The following NUP85 variants were observed in gnomAD, a reference collection of about 807,000 sequenced individuals.
NUP85 encodes the protein nuclear pore complex protein Nup85.
Under a neutral mutation model 92.8 loss-of-function variants are expected in NUP85, and 23 were observed. That is an observed-to-expected ratio of 0.25 (90% CI 0.18 to 0.35). The LOEUF is 0.35. Among genes scored for constraint, NUP85 ranks in the 10% least tolerant of loss-of-function variants. The probability of loss-of-function intolerance (pLI) is 1.00; values close to 1 mark genes in which losing one functional copy is unlikely to be tolerated. For missense variants in NUP85, 759 were observed against 822.8 expected, an observed-to-expected ratio of 0.92 and a Z score of 0.95; for synonymous variants, 314 against 306.9, an observed-to-expected ratio of 1.02 and a Z score of -0.24.
intron 1 of NUP85, among the ~76,000 whole-genome samples, chr17:75,206,720 C>T (rs1020517070): frequency 3.3e-5 from 5 of 152,046 alleles, no homozygotes; most frequent in Non-Finnish European, 7.4e-5. Context: ...ATTTTTTAGA[C>T]GGAGTCTCGC....
At chr17:75,223,411 G>A (rs2075655060) in intron 7 of NUP85, among the ~76,000 whole-genome samples, 1 of 152,054 alleles carries the variant, frequency 6.6e-6, no homozygotes, top group African/African-American at 2.4e-5. Context: ...TTTTTGAGAT[G>A]GAGTCTCACT....
At chr17:75,232,052 G>T in intron 14 of NUP85, 73 bp downstream of exon 14, 1 of 1,511,576 alleles carries the variant, frequency 6.6e-7, no homozygotes, top group Non-Finnish European at 9.0e-7. Flanking sequence ...CACACTTTAT[G>T]CCTACCCCAG....
Position 75,205,683 on chromosome 17 carries a change from C to T in NUP85, c.-79C>T. The stretch of plus-strand genomic sequence containing the variant: ...GAGACGCCCAGGCGGAGTCTTGTCT[C>T]GCAGCCAGCTCTGAGCGGGAGGCCT... On this transcript the variant is annotated 5_prime_UTR_variant, in exon 1 of 19. Transcript: ENST00000245544. The T allele has an allele frequency of 1.3e-6, 2 of 1,570,976 alleles. No homozygotes were observed. The highest frequency in any genetic ancestry group is 1.1e-5 in the South Asian group (1 of 90,112).
At chr17:75,220,977 G>A (rs2075582155) in intron 7 of NUP85, among the ~76,000 whole-genome samples, 2 of 150,352 alleles carry the variant, frequency 1.3e-5, no homozygotes, top group South Asian at 4.2e-4. Flanking sequence ...CGCCTCCCGG[G>A]TTCATGCCAT....
At chr17:75,219,572 TC>T (rs2075537782) in intron 7 of NUP85, among the ~76,000 whole-genome samples, 1 of 152,172 alleles carries the variant, frequency 6.6e-6, no homozygotes, top group Non-Finnish European at 1.5e-5. Context: ...CCATTCCTGG[TC>T]ATTCACTGAG....
intron 7 of NUP85, among the ~76,000 whole-genome samples, chr17:75,224,471 C>T (rs2075702391): frequency 6.6e-6 from 1 of 152,124 alleles, no homozygotes; most frequent in Admixed American, 6.6e-5. Context: ...CAACAGCACA[C>T]ACCATGATGG....
Position 75,215,801 on chromosome 17 carries a change from T to C in NUP85, c.453T>C (p.Ile151=). 1.2e-6 allele frequency: 2 copies of C among 1,614,072 alleles called. No homozygotes were observed. Among genetic ancestry groups the C allele is most frequent in the Non-Finnish European group, 1.7e-6 (2 of 1,179,892 alleles). Residue 151 remains isoleucine (I), a synonymous_variant, in exon 6 of 19, where the codon ATT becomes ATC. Coordinates refer to ENST00000245544, the MANE Select transcript of NUP85 (RefSeq NM_024844.5). Reference sequence around the variant, plus strand: ...AGCTCATCTGGAACCTGTGTGAGATTCTTTTTATTGAAGTGGCCCCAGGTA... The same window carrying C: ...AGCTCATCTGGAACCTGTGTGAGATCCTTTTTATTGAAGTGGCCCCAGGTA... The part of the protein sequence containing the change: ...AMELIWNLCE[I]LFIEVAPAGP...
At chr17:75,224,132 G>A (rs577978235) in intron 7 of NUP85, among the ~76,000 whole-genome samples, 42 of 152,130 alleles carry the variant, frequency 2.8e-4, no homozygotes, top group African/African-American at 9.4e-4. Context: ...TGCAACCTCC[G>A]CCGCCCAGAT....
chr17:75,225,011 A>C (rs1214350566), intron 7 of NUP85, 92 bp from the exon 8 acceptor site: 1 of 1,384,938 alleles, frequency 7.2e-7, no homozygotes, highest in Non-Finnish European at 9.6e-7. Context: ...AAGAGTTAAA[A>C]AGCCAAAGTG....
In NUP85 at chr17:75,217,876, ATTAC is replaced by A. The variant is rs2075480021; in HGVS notation, c.476-305_476-302del. ...AGTCATTGTTGGTTCCTAAACGGCC[ATTAC>A]TTATGTAGCTATTAAGTATTTGTGA... On this transcript the variant is annotated intron_variant, in intron 6 of 18. Transcript: ENST00000245544. Among the ~76,000 whole-genome samples the A allele has an allele frequency of 3.3e-5, 5 of 152,274 alleles. No homozygotes were observed. The South Asian group carries it at 1.0e-3, about 32-fold the overall frequency.
chr17:75,227,253 A>G (rs2145367534), intron 11 of NUP85, among the ~76,000 whole-genome samples: 1 of 151,976 alleles, frequency 6.6e-6, no homozygotes, highest in East Asian at 1.9e-4. Context: ...TGGCCAAAAG[A>G]ATGCCAGGGC....
chr17:75,228,291 T>C (rs2075902148), intron 11 of NUP85: 1 of 985,340 alleles, frequency 1.0e-6, no homozygotes, highest in African/African-American at 1.7e-5. Flanking sequence ...ACAACATCAC[T>C]CTCGTGCCGG....
intron 10 of NUP85, 54 bp downstream of exon 10, chr17:75,225,883 G>T (rs1024109550): frequency 1.2e-5 from 19 of 1,609,434 alleles, no homozygotes; most frequent in Non-Finnish European, 8.5e-7. Flanking sequence ...GGGGCGCCCT[G>T]ATGGGTCATT....
chr17:75,208,144 T>C lies in NUP85; in HGVS notation c.34-383T>C, dbSNP rs184181799. 348 of 176,134 alleles carry C rather than the reference T, an allele frequency of 2.0e-3. 5 individuals carry two copies. Among genetic ancestry groups the C allele is most frequent in the Non-Finnish European group, 6.9e-4 (58 of 84,450 alleles). 10.9% of individuals were successfully genotyped at this position (176,134 alleles called of 1,614,324 possible). ...CCAGCTGTGCTCTTCACTTAAAGTGTTTTTCAGCAGGGCGGGCACGGTGGC... is the reference window on the plus strand; with the variant it reads ...CCAGCTGTGCTCTTCACTTAAAGTGCTTTTCAGCAGGGCGGGCACGGTGGC... On this transcript the variant is annotated intron_variant, in intron 1 of 18. Coordinates refer to ENST00000245544, the MANE Select transcript of NUP85 (RefSeq NM_024844.5).
intron 4 of NUP85, among the ~76,000 whole-genome samples, chr17:75,212,477 T>G (rs866818395): frequency 0.12 from 14,875 of 125,782 alleles, 1,167 homozygotes; most frequent in Middle Eastern, 0.2. Flanking sequence ...GAGTTTTTTT[T>G]TTTTTTTTTT....
Position 75,231,551 on chromosome 17 carries a change from C to G in NUP85, c.1179-22C>G. 6.2e-7 allele frequency: 1 copy of G among 1,614,066 alleles called. No individual in the cohort carries two copies. On this transcript the variant is annotated intron_variant, in intron 12 of 18. Transcript: ENST00000245544. This position sits in a 1 kb window ranked among gnomAD's most constrained non-coding sequence, Gnocchi z 4.6. ...AACAGGGCAGGCCAGGAGTCTTGGT[C>G]TTTTGTTATGTTTTATTCCAGTTTC...
At position 75,212,231 on chromosome 17, in the gene NUP85, TTTTTTTTTTGTTG is replaced by T. The variant is rs1208996385; in HGVS notation, c.361+172_361+184del. 6.3e-3 allele frequency among the ~76,000 whole-genome samples: 24 copies of T among 3,836 alleles called. 2 individuals are homozygous for T. Among genetic ancestry groups the T allele is most frequent in the African/African-American group, 8.5e-3 (24 of 2,822 alleles). 2.5% of individuals were successfully genotyped at this position (3,836 alleles called of 152,430 possible). A position where few individuals can be genotyped will look rare whatever the true frequency, so the allele number is the denominator to read the frequency against. On this transcript the variant is annotated intron_variant, in intron 4 of 18. Coordinates refer to ENST00000245544, the MANE Select transcript of NUP85 (RefSeq NM_024844.5). ...ACTTTTTTGGTAATCATTTAGAGGTTTTTTTTTTTGTTGTTGTTTTTTTTTTTTTTTTTTTTTT... is the reference window on the plus strand; with the variant it reads ...ACTTTTTTGGTAATCATTTAGAGGTTTTGTTTTTTTTTTTTTTTTTTTTTT...
intron 18 of NUP85, 100 bp downstream of exon 18, chr17:75,235,301 A>G (rs1000403465): frequency 2.5e-6 from 2 of 799,250 alleles, no homozygotes; most frequent in African/African-American, 1.7e-5. Context: ...GCTCCTATGG[A>G]CACATGTGCC....
intron 7 of NUP85, among the ~76,000 whole-genome samples, chr17:75,218,587 C>CGTTTTT (rs1555662300): frequency 4.1e-5 from 1 of 24,330 alleles, no homozygotes; most frequent in African/African-American, 1.2e-4. Context: ...AATACAAAAC[C>CGTTTTT]GTTTTTTTTT....
Sources: allele counts gnomAD v4.1 joint callset (sites outside exome capture counted in the v4.1 genomes callset), GRCh38; gene constraint gnomAD v4.1.1; non-coding constraint Gnocchi (gnomAD v3.1); transcripts MANE v1.5; gene names NCBI Gene and HGNC (gene_info 2026-07-23, HGNC 2026-07-21).